Variants in SOX14 observed in about 807,000 individuals in gnomAD.
SOX14 encodes SRY-box transcription factor 14, also known as transcription factor SOX-14.
A neutral mutation model predicts 14.8 loss-of-function variants in SOX14; 5 were observed. The ratio of observed to expected loss-of-function variants is 0.34; its 90% CI spans 0.18 to 0.71. The LOEUF (loss-of-function observed/expected upper bound fraction) is 0.71, where lower values mean the gene tolerates loss of function less well. Ranked by LOEUF, SOX14 falls within the 30% of genes least tolerant of loss-of-function variation. The pLI, the probability that SOX14 is intolerant of heterozygous loss-of-function variation, is 0.64. For synonymous variants in SOX14, 164 were observed against 146.3 expected (o/e 1.12, Z -0.87); for missense variants, 270 against 329.7 (o/e 0.82, Z 1.40).
In SOX14 at chr3:137,764,783, C is replaced by G. The variant is rs1259809933; in HGVS notation, c.-2C>G. The G allele has an allele frequency of 6.2e-7, 1 of 1,613,396 alleles. No individual in the cohort carries two copies. Among genetic ancestry groups the G allele is most frequent in the Non-Finnish European group, 8.5e-7 (1 of 1,179,868 alleles). On this transcript the variant is annotated 5_prime_UTR_variant, in exon 1 of 1. Transcript: ENST00000306087. ...ACCCCCACCCACCTAGCCGCCGGGA[C>G]CATGTCCAAACCTTCAGACCACATC...
Position 137,765,404 on chromosome 3 carries a change from G to T in SOX14, c.620G>T (p.Trp207Leu). 1 of 1,613,646 alleles carries T rather than the reference G, an allele frequency of 6.2e-7. No homozygotes were observed. The highest frequency in any genetic ancestry group is 8.5e-7 in the Non-Finnish European group (1 of 1,179,892). ...GYVVPCNCTA[W>L]SASTLQPPVA... ...GTGGTGCCCTGTAACTGTACCGCCT[G>T]GTCTGCCTCCACCCTGCAGCCCCCC... The change falls in exon 1 of 1, where the codon TGG (tryptophan) becomes TTG (leucine). Residue 207 changes from tryptophan to leucine, a missense_variant. By Grantham distance (61) the Trp-to-Leu change is moderately conservative. This residue lies in a region of SOX14 where 207 missense variants were observed against 210.9 expected (regional missense o/e 0.98). Coordinates refer to ENST00000306087, the MANE Select transcript of SOX14 (RefSeq NM_004189.4).
rs1221581413 is a variant in SOX14, at chr3:137,765,591, G to A, written c.*84G>A. 9.4e-6 allele frequency: 14 copies of A among 1,481,782 alleles called. No homozygotes were observed. In the African/African-American group the frequency reaches 1.5e-4, roughly 16 times the overall value. The allele number at this position is 1,481,782 out of a possible 1,614,324, so 91.8% of individuals were successfully genotyped here. ...CTGAGCCTAGCCCCGGCCTGCAGAC[G>A]CCTCCGGGGTCAGCCCTGCCGCTGT... On this transcript the variant is annotated 3_prime_UTR_variant, in exon 1 of 1. Transcript: ENST00000306087.
rs560053733 is a variant in SOX14, at chr3:137,765,596, C to T, written c.*89C>T. 76 of 1,469,854 alleles carry T rather than the reference C, an allele frequency of 5.2e-5. 1 individual carries two copies. In the Admixed American group the frequency reaches 1.2e-3, roughly 23 times the overall value. 91.1% of individuals were successfully genotyped at this position (1,469,854 alleles called of 1,614,324 possible). A position where few individuals can be genotyped will look rare whatever the true frequency, so the allele number is the denominator to read the frequency against. Reference sequence around the variant, plus strand: ...CCTAGCCCCGGCCTGCAGACGCCTCCGGGGTCAGCCCTGCCGCTGTCCCTT... The same window carrying T: ...CCTAGCCCCGGCCTGCAGACGCCTCTGGGGTCAGCCCTGCCGCTGTCCCTT... On this transcript the variant is annotated 3_prime_UTR_variant, in exon 1 of 1. Transcript: ENST00000306087.
In SOX14 at chr3:137,765,517, C is replaced by T. The variant is rs768529633; in HGVS notation, c.*10C>T. 7 of 1,584,992 alleles carry T rather than the reference C, an allele frequency of 4.4e-6. No homozygotes were observed. The highest frequency in any genetic ancestry group is 1.7e-6 in the Non-Finnish European group (2 of 1,163,612). ...CGCTACGGCCATGTAACCCCCAGCC[C>T]GGCCCGGACCTGAGGCGTGGTCTGA... On this transcript the variant is annotated 3_prime_UTR_variant, in exon 1 of 1. Transcript: ENST00000306087.
At position 137,765,522 on chromosome 3, in the gene SOX14, C is replaced by G. The variant is rs1939229494; in HGVS notation, c.*15C>G. The G allele has an allele frequency of 6.3e-7, 1 of 1,581,756 alleles. No homozygotes were observed. The highest frequency in any genetic ancestry group is 8.6e-7 in the Non-Finnish European group (1 of 1,162,072). ...CGGCCATGTAACCCCCAGCCCGGCC[C>G]GGACCTGAGGCGTGGTCTGAAAGCC... On this transcript the variant is annotated 3_prime_UTR_variant, in exon 1 of 1. Coordinates refer to ENST00000306087, the MANE Select transcript of SOX14 (RefSeq NM_004189.4).
chr3:137,764,641 T>A lies in SOX14; in HGVS notation c.-144T>A. ...AGCTGAACTTTGTGGGGTCAGCGCT[T>A]CTCTCTGGCTTCCCCTCAGCGGCGC... On this transcript the variant is annotated 5_prime_UTR_variant, in exon 1 of 1. Coordinates refer to ENST00000306087, the MANE Select transcript of SOX14 (RefSeq NM_004189.4). 9.5e-7 allele frequency: 1 copy of A among 1,053,510 alleles called. No homozygotes were observed. Among genetic ancestry groups the A allele is most frequent in the Admixed American group, 2.5e-5 (1 of 40,794 alleles). The allele number at this position is 1,053,510 out of a possible 1,614,324, so 65.3% of individuals were successfully genotyped here. A position where few individuals can be genotyped will look rare whatever the true frequency, so the allele number is the denominator to read the frequency against.
chr3:137,764,937 G>A lies in SOX14; in HGVS notation c.153G>A (p.Glu51=). ...RLGAEWKLLS[E]AEKRPYIDEA... is the part of the protein sequence containing the mutation. ...GTGCCGAATGGAAGCTTCTGTCCGA[G>A]GCAGAGAAGCGGCCATACATCGATG... The change falls in exon 1 of 1, where the codon GAG becomes GAA. Residue 51 remains glutamate (E), a synonymous_variant. Transcript: ENST00000306087. 1 of 1,614,264 alleles carries A rather than the reference G, an allele frequency of 6.2e-7. No homozygotes were observed. Among genetic ancestry groups the A allele is most frequent in the Non-Finnish European group, 8.5e-7 (1 of 1,180,048 alleles).
chr3:137,764,706 A>G lies in SOX14; in HGVS notation c.-79A>G. On this transcript the variant is annotated 5_prime_UTR_variant, in exon 1 of 1. Coordinates refer to ENST00000306087, the MANE Select transcript of SOX14 (RefSeq NM_004189.4). ...CGCAGAACCCCGGCTCAGGACGGAC[A>G]GACAGACGGCCAGCCGCGCCCAGGC... The G allele has an allele frequency of 1.3e-6, 2 of 1,540,588 alleles. No individual in the cohort carries two copies. The highest frequency in any genetic ancestry group is 8.8e-7 in the Non-Finnish European group (1 of 1,141,536).
In SOX14 at chr3:137,765,638, T is replaced by G; in HGVS notation, c.*131T>G. ...CTGTCCCTTACACCACCCAGACTTTTCCTCTCTCTTCCAGGGGGAAGGGTG... is the reference window on the plus strand; with the variant it reads ...CTGTCCCTTACACCACCCAGACTTTGCCTCTCTCTTCCAGGGGGAAGGGTG... On this transcript the variant is annotated 3_prime_UTR_variant, in exon 1 of 1. Transcript: ENST00000306087. 8.3e-7 allele frequency: 1 copy of G among 1,204,072 alleles called. No homozygotes were observed. Among genetic ancestry groups the G allele is most frequent in the Non-Finnish European group, 1.1e-6 (1 of 889,398 alleles). 74.6% of individuals were successfully genotyped at this position (1,204,072 alleles called of 1,614,324 possible).
chr3:137,764,716 C>T lies in SOX14; in HGVS notation c.-69C>T, dbSNP rs1222531277. 7.7e-6 allele frequency: 12 copies of T among 1,557,036 alleles called. No homozygotes were observed. The highest frequency in any genetic ancestry group is 1.0e-5 in the Non-Finnish European group (12 of 1,154,116). On this transcript the variant is annotated 5_prime_UTR_variant, in exon 1 of 1. Coordinates refer to ENST00000306087, the MANE Select transcript of SOX14 (RefSeq NM_004189.4). ...CGGCTCAGGACGGACAGACAGACGG[C>T]CAGCCGCGCCCAGGCTCGTCTGCAG... is the stretch of plus-strand genomic sequence containing the variant.
In SOX14 at chr3:137,765,310, G is replaced by T. The variant is rs779473592; in HGVS notation, c.526G>T (p.Ala176Ser). 3 of 1,579,574 alleles carry T rather than the reference G, an allele frequency of 1.9e-6. No homozygotes were observed. The highest frequency in any genetic ancestry group is 1.4e-5 in the African/African-American group (1 of 73,906). ...YASTLGYQNGAFGSLSCPSQH... is the reference protein window; with the variant it reads ...YASTLGYQNGSFGSLSCPSQH... ...GTCCACCCTGGGCTACCAGAACGGC[G>T]CCTTCGGCAGCCTCAGCTGCCCCAG... Residue 176 changes from alanine to serine, a missense_variant, in exon 1 of 1, where the codon GCC becomes TCC. Coordinates refer to ENST00000306087, the MANE Select transcript of SOX14 (RefSeq NM_004189.4).
chr3:137,764,440 G>A lies in SOX14; in HGVS notation c.-345G>A, dbSNP rs1342367803. ...AGGCAAAGGTGGAGAGGGGGAGAAG[G>A]AGGAGCTTCTTGCCCTGGCTAAAAA... On this transcript the variant is annotated 5_prime_UTR_variant, in exon 1 of 1. Transcript: ENST00000306087. 7.4e-6 allele frequency: 2 copies of A among 271,814 alleles called. No individual in the cohort carries two copies. The highest frequency in any genetic ancestry group is 1.4e-5 in the Non-Finnish European group (2 of 144,420). The allele number at this position is 271,814 out of a possible 1,614,324, so 16.8% of individuals were successfully genotyped here.
Sources: allele counts gnomAD v4.1 joint callset, GRCh38; gene constraint gnomAD v4.1.1; regional missense constraint gnomAD v4.1.1; transcripts MANE v1.5; gene names NCBI Gene and HGNC (gene_info 2026-07-23, HGNC 2026-07-21).